The following PLXND1 variants were observed in gnomAD, a reference collection of about 807,000 sequenced individuals.
PLXND1 encodes plexin-D1.
PLXND1 carries 54 observed loss-of-function variants against 197.7 expected under a neutral mutation model. The observed-to-expected ratio is 0.27, with a 90% CI of 0.22 to 0.34. The LOEUF (loss-of-function observed/expected upper bound fraction) is 0.34, where lower values mean the gene tolerates loss of function less well. PLXND1 is among the 10% of genes least tolerant of loss of function. The probability of loss-of-function intolerance (pLI) is 1.00; values close to 1 mark genes in which losing one functional copy is unlikely to be tolerated. For missense variants in PLXND1, 2,127 were observed against 2,699.2 expected (o/e 0.79, Z 4.70); for synonymous variants, 1,180 against 1,161.2 (o/e 1.02, Z -0.33).
intron 29 of PLXND1, chr3:129,561,149 C>A: frequency 2.1e-6 from 1 of 466,652 alleles, no homozygotes. Flanking sequence ...CCTTTGCCCA[C>A]CCCACCCCTG....
At position 129,570,848 on chromosome 3, in the gene PLXND1, T is replaced by C; in HGVS notation, c.3688A>G (p.Arg1230Gly). Reference sequence around the variant, plus strand: ...TCGTTGACCGAGCAGTGGATGATTCTGTCAGAGACAATCTGGATGTCGCAG... The same window carrying C: ...TCGTTGACCGAGCAGTGGATGATTCCGTCAGAGACAATCTGGATGTCGCAG... ...VSCDIQIVSD[R>G]IIHCSVNESL... The change falls in exon 19 of 36, where the codon AGA becomes GGA. Residue 1230 changes from arginine to glycine, a missense_variant. Arg to Gly is a moderately radical substitution (Grantham distance 125). Coordinates refer to ENST00000324093, the MANE Select transcript of PLXND1 (RefSeq NM_015103.3). 6.2e-7 allele frequency: 1 copy of C among 1,614,212 alleles called. No individual in the cohort carries two copies. Among genetic ancestry groups the C allele is most frequent in the Admixed American group, 1.7e-5 (1 of 60,032 alleles).
Position 129,558,438 on chromosome 3 carries a change from T to C in PLXND1, c.5435A>G (p.Gln1812Arg). The change falls in exon 33 of 36, where the codon CAG (glutamine) becomes CGG (arginine). Residue 1812 changes from glutamine to arginine, a missense_variant. Gln to Arg is a conservative substitution (Grantham distance 43, BLOSUM62 1). Around this residue, in one of 6 missense-constraint regions of PLXND1, gnomAD observed 200 missense variants for 303.3 expected, o/e 0.66. Coordinates refer to ENST00000324093, the MANE Select transcript of PLXND1 (RefSeq NM_015103.3). The surrounding 1 kb of genome is among the most constrained non-coding windows in gnomAD (Gnocchi z 4.1). ...CTGGGAACAGCTGACCTTGCCCAGCTGCAGGTCAGAGATGGAGCAGGCGTC... is the reference window on the plus strand; with the variant it reads ...CTGGGAACAGCTGACCTTGCCCAGCCGCAGGTCAGAGATGGAGCAGGCGTC... ...FIDACSISDL[Q>R]LGKDSPTNKL... is the part of the protein sequence containing the mutation. 1 of 1,613,602 alleles carries C rather than the reference T, an allele frequency of 6.2e-7. No individual in the cohort carries two copies. Among genetic ancestry groups the C allele is most frequent in the Non-Finnish European group, 8.5e-7 (1 of 1,179,908 alleles).
chr3:129,589,888 AAGAGC>A (rs1438623221), intron 1 of PLXND1, among the ~76,000 whole-genome samples: 1 of 152,142 alleles, frequency 6.6e-6, no homozygotes, highest in Admixed American at 6.5e-5. Context: ...CACAGCTGGG[AAGAGC>A]AGAGGAGTCC....
chr3:129,585,938 C>A lies in PLXND1; in HGVS notation c.1851+14G>T. 6.2e-7 allele frequency: 1 copy of A among 1,613,820 alleles called. No homozygotes were observed. The highest frequency in any genetic ancestry group is 8.5e-7 in the Non-Finnish European group (1 of 1,179,946). On this transcript the variant is annotated intron_variant, in intron 5 of 35. Transcript: ENST00000324093. ...CTGTGTCCCGAGCTGGGTCTTGCCT[C>A]CCCCAGGACTCACTGGGTACTCCTG...
intron 1 of PLXND1, among the ~76,000 whole-genome samples, chr3:129,601,300 C>G (rs1278948125): frequency 1.3e-5 from 2 of 152,208 alleles, no homozygotes; most frequent in African/African-American, 4.8e-5. Flanking sequence ...TCTGGCCTCA[C>G]ACTTCAGCAG....
rs1025055042 is a variant in PLXND1 at position 129,557,011 on chromosome 3, T to C, written c.5586+72A>G. ...CCCTGCCCTTACTCCAGTGGAGGCA[T>C]TGAGGCCCAGCCCCCGACCCCCGAT... On this transcript the variant is annotated intron_variant, in intron 34 of 35. Transcript: ENST00000324093. This position sits in a 1 kb window ranked among gnomAD's most constrained non-coding sequence, Gnocchi z 4.8. 12 of 1,537,126 alleles carry C rather than the reference T, an allele frequency of 7.8e-6. No individual in the cohort carries two copies. Among genetic ancestry groups the C allele is most frequent in the African/African-American group, 1.4e-5 (1 of 73,722 alleles).
In PLXND1 at chr3:129,572,819, A is replaced by G. The variant is rs1272788967; in HGVS notation, c.2937+23T>C. The G allele has an allele frequency of 2.5e-6, 4 of 1,612,262 alleles. No individual in the cohort carries two copies. In the African/African-American group the frequency reaches 4.0e-5, roughly 16 times the overall value. On this transcript the variant is annotated intron_variant, in intron 14 of 35. Coordinates refer to ENST00000324093, the MANE Select transcript of PLXND1 (RefSeq NM_015103.3). ...AGTGTGCGTGCTGGGCGGGCCGGACAGTGGGCTGCAGCCCCCCCTTACCAC... is the reference window on the plus strand; with the variant it reads ...AGTGTGCGTGCTGGGCGGGCCGGACGGTGGGCTGCAGCCCCCCCTTACCAC...
chr3:129,600,989 A>G (rs1576283991), intron 1 of PLXND1, among the ~76,000 whole-genome samples: 1 of 152,184 alleles, frequency 6.6e-6, no homozygotes, highest in African/African-American at 2.4e-5. Flanking sequence ...AAATACAAAT[A>G]TTATGGTCAT....
At chr3:129,583,519 AAAG>A (rs1375978300) in intron 8 of PLXND1, 45 bp downstream of exon 8, 1 of 1,195,904 alleles carries the variant, frequency 8.4e-7, no homozygotes, top group Non-Finnish European at 1.2e-6. Context: ...ATTTTTTAAA[AAAG>A]GTAATGAAAC....
intron 1 of PLXND1, among the ~76,000 whole-genome samples, chr3:129,600,889 G>A (rs568341814): frequency 1.3e-5 from 2 of 151,982 alleles, no homozygotes; most frequent in South Asian, 2.1e-4. Context: ...GTTTAAAACT[G>A]CCTGATGGTT....
intron 27 of PLXND1, chr3:129,562,579 G>C: frequency 2.1e-6 from 1 of 471,792 alleles, no homozygotes; most frequent in South Asian, 5.2e-5. Flanking sequence ...TTTCCTGAAG[G>C]CTTTTTGCTG....
At chr3:129,568,054 T>C (rs1218613794) in intron 20 of PLXND1, among the ~76,000 whole-genome samples, 2 of 151,772 alleles carry the variant, frequency 1.3e-5, no homozygotes, top group Non-Finnish European at 2.9e-5. Context: ...AAGAAGTGTG[T>C]AGTGTTACAG....
In PLXND1 at chr3:129,572,926, T is replaced by C; in HGVS notation, c.2853A>G (p.Thr951=). The C allele has an allele frequency of 6.2e-7, 1 of 1,613,124 alleles. No homozygotes were observed. The highest frequency in any genetic ancestry group is 8.5e-7 in the Non-Finnish European group (1 of 1,179,404). Residue 951 remains threonine (T), a synonymous_variant, in exon 14 of 36, where the codon ACA becomes ACG. Transcript: ENST00000324093. Reference sequence around the variant, plus strand: ...CTGAGAGTGGTCCTGGGGCTGGCCCTGTGACACACACGATCCTGAGGGGAG... The same window carrying C: ...CTGAGAGTGGTCCTGGGGCTGGCCCCGTGACACACACGATCCTGAGGGGAG... ...YTVSEEIVCV[T]GPAPGPLSGV...
At chr3:129,597,604 CAA>C (rs1164896393) in intron 1 of PLXND1, among the ~76,000 whole-genome samples, 1 of 152,222 alleles carries the variant, frequency 6.6e-6, no homozygotes, top group Non-Finnish European at 1.5e-5. Context: ...CATGATTTAT[CAA>C]GTTTCAGGGT....
chr3:129,584,839 C>T (rs374333505), intron 5 of PLXND1, among the ~76,000 whole-genome samples: 22 of 152,298 alleles, frequency 1.4e-4, no homozygotes, highest in South Asian at 1.2e-3. Flanking sequence ...TAATACTCTC[C>T]GAAACAGCTG....
chr3:129,574,234 T>G, intron 12 of PLXND1, 102 bp downstream of exon 12: 2 of 1,054,262 alleles, frequency 1.9e-6, no homozygotes, highest in Non-Finnish European at 2.7e-6. Flanking sequence ...CATGTGTCGG[T>G]GTATGTGCCG....
At chr3:129,568,964 G>A (rs1320086772) in intron 20 of PLXND1, among the ~76,000 whole-genome samples, 1 of 152,176 alleles carries the variant, frequency 6.6e-6, no homozygotes, top group East Asian at 1.9e-4. Flanking sequence ...CCCCATTCGT[G>A]TTCTCCCTAG....
At chr3:129,605,286 C>T in intron 1 of PLXND1, 43 bp downstream of exon 1, 5 of 670,924 alleles carry the variant, frequency 7.5e-6, no homozygotes, top group Non-Finnish European at 1.0e-5. Context: ...CCCCCGCCCC[C>T]GCCGCCGCCG....
Position 129,589,585 on chromosome 3 carries a change from C to T in PLXND1, c.1312-58G>A, listed in dbSNP as rs946446798. On this transcript the variant is annotated intron_variant, in intron 1 of 35. Coordinates refer to ENST00000324093, the MANE Select transcript of PLXND1 (RefSeq NM_015103.3). The stretch of plus-strand genomic sequence containing the variant: ...CCAGAACCTTCTCCGGCTCCCCGCC[C>T]GCACAGCTGGCTGGGATCTCAGGCC... 2.2e-5 allele frequency: 31 copies of T among 1,396,570 alleles called. No individual in the cohort carries two copies. The East Asian group carries it at 2.5e-4, about 11-fold the overall frequency. 86.5% of individuals were successfully genotyped at this position (1,396,570 alleles called of 1,614,324 possible). A position where few individuals can be genotyped will look rare whatever the true frequency, so the allele number is the denominator to read the frequency against.
Sources: gnomAD v4.1 joint callset for allele counts (sites outside exome capture counted in the v4.1 genomes callset) on GRCh38, gnomAD v4.1.1 for gene constraint, gnomAD v4.1.1 regional missense constraint, Gnocchi (gnomAD v3.1) non-coding constraint, MANE v1.5 for transcripts, NCBI Gene and HGNC (gene_info 2026-07-23, HGNC 2026-07-21) for gene names.